SYT2: variants seen among roughly 807,000 people sequenced by gnomAD.
SYT2 encodes synaptotagmin-2.
A neutral mutation model predicts 39.9 loss-of-function variants in SYT2; 15 were observed. The ratio of observed to expected loss-of-function variants is 0.38; its 90% CI spans 0.25 to 0.58. The LOEUF is 0.58. Ranked by LOEUF, SYT2 falls within the 20% of genes least tolerant of loss-of-function variation. The pLI, the probability that SYT2 is intolerant of heterozygous loss-of-function variation, is 0.70. For missense variants in SYT2, 389 were observed against 530.3 expected (o/e 0.73, Z 2.62); for synonymous variants, 181 against 204.5 (o/e 0.89, Z 0.98).
At chr1:202,699,641 A>G (rs1654063011) in intron 1 of SYT2, among the ~76,000 whole-genome samples, 1 of 152,214 alleles carries the variant, frequency 6.6e-6, no homozygotes, top group Non-Finnish European at 1.5e-5. Context: ...ATTTACTAAA[A>G]ATCACTGAAC....
Position 202,610,459 on chromosome 1 carries a change from G to A in SYT2, c.-17-4670C>T, listed in dbSNP as rs576146789. ...ACCACTCCTATTCAACATAGTGTTG[G>A]AAGTTCTGGCCAGGGCAATCAGGCA... On this transcript the variant is annotated intron_variant, in intron 1 of 8. Coordinates refer to ENST00000367268, the MANE Select transcript of SYT2 (RefSeq NM_177402.5). Among the ~76,000 whole-genome samples the A allele has an allele frequency of 2.4e-3, 364 of 152,300 alleles. 3 individuals are homozygous for A. In the Middle Eastern group the frequency reaches 0.027, roughly 11 times the overall value.
At chr1:202,683,103 TGGA>T (rs1456547224) in intron 1 of SYT2, among the ~76,000 whole-genome samples, 1 of 151,934 alleles carries the variant, frequency 6.6e-6, no homozygotes, top group African/African-American at 2.4e-5. Context: ...TACCAAAACA[TGGA>T]GGAGCAGGAA....
At chr1:202,693,179 G>A (rs906673403) in intron 1 of SYT2, among the ~76,000 whole-genome samples, 7 of 152,166 alleles carry the variant, frequency 4.6e-5, no homozygotes, top group Admixed American at 2.6e-4. Flanking sequence ...CCCATCTGGA[G>A]AAGCCATGGC....
At chr1:202,604,130 C>T (rs1227553942) in intron 3 of SYT2, 1 of 251,318 alleles carries the variant, frequency 4.0e-6, no homozygotes, top group East Asian at 8.6e-5. Context: ...GGCTGGAAAA[C>T]ACAGGGTTAA....
At chr1:202,615,177 T>C (rs1292368943) in intron 1 of SYT2, among the ~76,000 whole-genome samples, 1 of 152,078 alleles carries the variant, frequency 6.6e-6, no homozygotes, top group South Asian at 2.1e-4. Context: ...GGGGAGTCCA[T>C]GAAGCAGCAG....
intron 1 of SYT2, among the ~76,000 whole-genome samples, chr1:202,701,718 T>C (rs1654127699): frequency 6.6e-6 from 1 of 152,162 alleles, no homozygotes; most frequent in Non-Finnish European, 1.5e-5. Flanking sequence ...AATAACTTTA[T>C]TGCCATCATG....
At chr1:202,627,519 G>T in intron 1 of SYT2, 1 of 985,260 alleles carries the variant, frequency 1.0e-6, no homozygotes, top group Non-Finnish European at 1.2e-6. Context: ...GTGTGGACGG[G>T]CAGGCGCACT....
intron 1 of SYT2, among the ~76,000 whole-genome samples, chr1:202,609,341 G>A (rs1031754815): frequency 2.0e-4 from 30 of 152,128 alleles, no homozygotes; most frequent in African/African-American, 6.7e-4. Flanking sequence ...ATGAACATAC[G>A]TGTGCATGTG....
intron 1 of SYT2, among the ~76,000 whole-genome samples, chr1:202,670,145 C>G (rs1048993431): frequency 6.6e-6 from 1 of 152,264 alleles, no homozygotes; most frequent in East Asian, 1.9e-4. Context: ...CTAAGAGAGG[C>G]GTTTTCAGTG....
chr1:202,626,136 G>C (rs1027370277), intron 1 of SYT2, among the ~76,000 whole-genome samples: 1 of 152,148 alleles, frequency 6.6e-6, no homozygotes, highest in Admixed American at 6.5e-5. Flanking sequence ...CAGGAAGCTG[G>C]GGTGATAGCT....
intron 1 of SYT2, among the ~76,000 whole-genome samples, chr1:202,674,167 T>A (rs972717328): frequency 6.6e-6 from 1 of 152,170 alleles, no homozygotes; most frequent in Non-Finnish European, 1.5e-5. Context: ...GGTGGTGTGA[T>A]CTTGTGTCGC....
At chr1:202,691,720 AGGGAGAGG>A (rs775869440) in intron 1 of SYT2, among the ~76,000 whole-genome samples, 6,056 of 29,946 alleles carry the variant, frequency 0.2, 948 homozygotes, top group Non-Finnish European at 0.26. Flanking sequence ...GGAGAGGGAG[AGGGAGAGG>A]GGGGGAGAGA....
In SYT2 at chr1:202,633,200, C is replaced by T. The variant is rs535171622; in HGVS notation, c.-17-27411G>A. ...AAGCCACTAGCTCAAATACTGATCC[C>T]TATTTAAGTCACCAAAATATGCTGG... On this transcript the variant is annotated intron_variant, in intron 1 of 8. Coordinates refer to ENST00000367268, the MANE Select transcript of SYT2 (RefSeq NM_177402.5). Among the ~76,000 whole-genome samples the T allele has an allele frequency of 2.7e-3, 410 of 152,224 alleles. 4 individuals carry two copies. The highest frequency in any genetic ancestry group is 3.4e-3 in the Non-Finnish European group (233 of 67,988).
chr1:202,620,461 T>G (rs1266989254), intron 1 of SYT2, among the ~76,000 whole-genome samples: 1 of 150,924 alleles, frequency 6.6e-6, no homozygotes, highest in Non-Finnish European at 1.5e-5. Context: ...ATCCTTTATC[T>G]TATCCTTTTT....
chr1:202,604,754 C>T, intron 2 of SYT2, 133 bp from the exon 3 acceptor site: 1 of 797,826 alleles, frequency 1.3e-6, no homozygotes. Context: ...TTAAAAGCCA[C>T]ACACCCATGA....
chr1:202,601,874 T>C lies in SYT2; in HGVS notation c.801+16A>G. On this transcript the variant is annotated intron_variant, in intron 6 of 8. Coordinates refer to ENST00000367268, the MANE Select transcript of SYT2 (RefSeq NM_177402.5). This position sits in a 1 kb window ranked among gnomAD's most constrained non-coding sequence, Gnocchi z 4.0. Reference sequence around the variant, plus strand: ...ATTCGTCTTTCTGCCCAACCTGGCCTCATCTCTGCTCTTACCTCCTCCTTT... The same window carrying C: ...ATTCGTCTTTCTGCCCAACCTGGCCCCATCTCTGCTCTTACCTCCTCCTTT... 1 of 1,610,824 alleles carries C rather than the reference T, an allele frequency of 6.2e-7. No homozygotes were observed. The highest frequency in any genetic ancestry group is 8.5e-7 in the Non-Finnish European group (1 of 1,178,240).
chr1:202,612,470 T>A (rs1268872093), intron 1 of SYT2, among the ~76,000 whole-genome samples: 1 of 152,148 alleles, frequency 6.6e-6, no homozygotes, highest in Admixed American at 6.5e-5. Flanking sequence ...CGGGCTCAAT[T>A]GATCCTCCCA....
intron 1 of SYT2, among the ~76,000 whole-genome samples, chr1:202,695,562 T>C (rs528768785): frequency 6.6e-6 from 1 of 152,332 alleles, no homozygotes; most frequent in African/African-American, 2.4e-5. Flanking sequence ...TCGATTTGAT[T>C]GAGTGTGACA....
rs140109688 is a variant in SYT2, at chr1:202,691,051, C to G, written c.-18+19207G>C. 2.0e-3 allele frequency among the ~76,000 whole-genome samples: 299 copies of G among 152,296 alleles called. 6 individuals carry two copies. The East Asian group carries it at 0.032, about 16-fold the overall frequency. On this transcript the variant is annotated intron_variant, in intron 1 of 8. Transcript: ENST00000367268. ...TTCTCTGCTAAGCAAGAGTCTGCCT[C>G]CACTTCGTCCAGACCCCTCCGCCCC... is the stretch of plus-strand genomic sequence containing the variant.
Sources: gnomAD v4.1 joint callset for allele counts (sites outside exome capture counted in the v4.1 genomes callset) on GRCh38, gnomAD v4.1.1 for gene constraint, Gnocchi (gnomAD v3.1) non-coding constraint, MANE v1.5 for transcripts, NCBI Gene and HGNC (gene_info 2026-07-23, HGNC 2026-07-21) for gene names.